The following BCL11A variants were observed in gnomAD, a reference collection of about 807,000 sequenced individuals.
BCL11A encodes the protein B cell CLL/lymphoma 11A.
Under a neutral mutation model 55.9 loss-of-function variants are expected in BCL11A, and 2 were observed. The ratio of observed to expected loss-of-function variants is 0.04; its 90% CI spans 0.01 to 0.11. The LOEUF (loss-of-function observed/expected upper bound fraction) is 0.11, where lower values mean the gene tolerates loss of function less well. BCL11A is among the 10% of genes least tolerant of loss of function. The pLI is 1.00. For synonymous variants in BCL11A, 465 were observed against 473.4 expected (o/e 0.98, Z 0.23); for missense variants, 817 against 1,137.1 (o/e 0.72, Z 4.05).
intron 3 of BCL11A, among the ~76,000 whole-genome samples, chr2:60,465,289 A>G (rs989952636): frequency 6.6e-6 from 1 of 152,232 alleles, no homozygotes; most frequent in African/African-American, 2.4e-5. Flanking sequence ...TGTGTGGCAA[A>G]ATTAGGGCTA....
intron 2 of BCL11A, among the ~76,000 whole-genome samples, chr2:60,510,451 T>C (rs1425258977): frequency 6.6e-6 from 1 of 152,210 alleles, no homozygotes; most frequent in Non-Finnish European, 1.5e-5. Context: ...TTGCTTCTCA[T>C]TGGGCCTTCC....
intron 2 of BCL11A, among the ~76,000 whole-genome samples, chr2:60,507,380 A>AG (rs143571653): frequency 2.0e-4 from 8 of 40,104 alleles, no homozygotes; most frequent in African/African-American, 1.4e-3. Flanking sequence ...AAGGGAAGGG[A>AG]GGGAGGGAAG....
intron 2 of BCL11A, among the ~76,000 whole-genome samples, chr2:60,471,044 C>A (rs1224684576): frequency 1.3e-5 from 2 of 152,204 alleles, no homozygotes; most frequent in Non-Finnish European, 2.9e-5. Context: ...CACTGCCCAA[C>A]AAGAAGGTCC....
rs748538213 is a variant in BCL11A, at chr2:60,553,286, GGGCGGC to G, written c.-22_-17del. 1.7e-4 allele frequency: 262 copies of G among 1,552,138 alleles called. 3 individuals are homozygous for G. The highest frequency in any genetic ancestry group is 9.9e-4 in the Middle Eastern group (5 of 5,050). Reference sequence around the variant, plus strand: ...GGCGAGACATGGTGGGCTGCGGGGCGGGCGGCGGCGGCGGCGGCGGCGGCGGCGGGC... The same window carrying G: ...GGCGAGACATGGTGGGCTGCGGGGCGGGCGGCGGCGGCGGCGGCGGCGGGC... On this transcript the variant is annotated 5_prime_UTR_variant, in exon 1 of 4. Transcript: ENST00000642384.
chr2:60,514,095 T>C (rs762285806), intron 2 of BCL11A, among the ~76,000 whole-genome samples: 1 of 152,208 alleles, frequency 6.6e-6, no homozygotes, highest in Non-Finnish European at 1.5e-5. Flanking sequence ...CATCTCCTTG[T>C]GGACTTTCCT....
chr2:60,467,120 G>GTGGTGGTGATGGTGGTGATGGTAC (rs1459862565), intron 3 of BCL11A, among the ~76,000 whole-genome samples: 1 of 134,276 alleles, frequency 7.4e-6, no homozygotes, highest in Non-Finnish European at 1.6e-5. Context: ...AGTGGTGGTG[G>GTGGTGGTGATGGTGGTGATGGTAC]TGGTGGTGAT....
At chr2:60,496,018 C>A (rs148893646) in intron 2 of BCL11A, among the ~76,000 whole-genome samples, 74 of 152,222 alleles carry the variant, frequency 4.9e-4, no homozygotes, top group African/African-American at 1.8e-3. Flanking sequence ...AACAAACAAA[C>A]CAAAGAGAAG....
rs1197635792 is a variant in BCL11A at position 60,546,727 on chromosome 2, C to A, written c.56-427G>T. ...AAGTGGATAGAAACCAAATTTGTTTCTTTTTTCCTATACACCAAGTTGTCC... is the reference window on the plus strand; with the variant it reads ...AAGTGGATAGAAACCAAATTTGTTTATTTTTTCCTATACACCAAGTTGTCC... On this transcript the variant is annotated intron_variant, in intron 1 of 3. Transcript: ENST00000642384. This position sits in a 1 kb window ranked among gnomAD's most constrained non-coding sequence, Gnocchi z 4.1. 6.6e-6 allele frequency among the ~76,000 whole-genome samples: 1 copy of A among 152,028 alleles called. No homozygotes were observed. The highest frequency in any genetic ancestry group is 2.4e-5 in the African/African-American group (1 of 41,384).
downstream of BCL11A, among the ~76,000 whole-genome samples, chr2:60,454,165 G>A (rs144613059): frequency 6.6e-6 from 1 of 152,222 alleles, no homozygotes; most frequent in African/African-American, 2.4e-5. Context: ...AAGCAGAAGT[G>A]CAGACCGGAC....
At chr2:60,469,252 C>A (rs2103991137) in intron 2 of BCL11A, among the ~76,000 whole-genome samples, 1 of 152,298 alleles carries the variant, frequency 6.6e-6, no homozygotes, top group African/African-American at 2.4e-5. Context: ...ACTTTATAGA[C>A]AAACCCAAGC....
intron 2 of BCL11A, among the ~76,000 whole-genome samples, chr2:60,486,185 G>C (rs1044038592): frequency 3.3e-5 from 5 of 152,172 alleles, no homozygotes; most frequent in African/African-American, 1.2e-4. Flanking sequence ...TAGGGAGACT[G>C]GTACTGGGGA....
At chr2:60,453,306 A>G (rs1417772421), downstream of BCL11A, among the ~76,000 whole-genome samples, 1 of 152,224 alleles carries the variant, frequency 6.6e-6, no homozygotes, top group Non-Finnish European at 1.5e-5. Context: ...GGTGAAGGGA[A>G]GAAGGGAGTG....
At chr2:60,509,949 C>A (rs1028180593) in intron 2 of BCL11A, among the ~76,000 whole-genome samples, 4 of 152,172 alleles carry the variant, frequency 2.6e-5, no homozygotes, top group African/African-American at 7.2e-5. Flanking sequence ...CCGAGCCACA[C>A]ATTTTGGGGT....
intron 2 of BCL11A, among the ~76,000 whole-genome samples, chr2:60,516,412 C>A (rs1668729160): frequency 6.6e-6 from 1 of 152,220 alleles, no homozygotes; most frequent in African/African-American, 2.4e-5. Context: ...CAGCTCTCCC[C>A]CTGAGCTAAC....
chr2:60,481,534 AAGG>A (rs1243437353), intron 2 of BCL11A, among the ~76,000 whole-genome samples: 1 of 152,112 alleles, frequency 6.6e-6, no homozygotes, highest in East Asian at 1.9e-4. Context: ...CTGGCAGGTG[AAGG>A]AGGACAGGGA....
chr2:60,500,069 T>G (rs995763578), intron 2 of BCL11A: 3 of 152,950 alleles, frequency 2.0e-5, no homozygotes, highest in Admixed American at 1.3e-4. Context: ...CCTCTCCTCC[T>G]TTCGGTCCTC....
At position 60,517,329 on chromosome 2, in the gene BCL11A, G is replaced by A. The variant is rs114821417; in HGVS notation, c.385+28642C>T. 3.2e-3 allele frequency among the ~76,000 whole-genome samples: 494 copies of A among 152,280 alleles called. 2 individuals carry two copies. The highest frequency in any genetic ancestry group is 4.8e-3 in the Non-Finnish European group (324 of 68,016). ...GGGCACACCATGTAAACCCCAGAAG[G>A]GCCACACTTTGGGAGCCCTAGCAGG... On this transcript the variant is annotated intron_variant, in intron 2 of 3. Transcript: ENST00000642384.
At chr2:60,539,304 A>G (rs1315005506) in intron 2 of BCL11A, among the ~76,000 whole-genome samples, 2 of 152,216 alleles carry the variant, frequency 1.3e-5, no homozygotes, top group South Asian at 4.1e-4. Flanking sequence ...CTGTGCGCCT[A>G]TTGTAAAGGC....
At chr2:60,513,839 T>A (rs1475647417) in intron 2 of BCL11A, among the ~76,000 whole-genome samples, 1 of 152,220 alleles carries the variant, frequency 6.6e-6, no homozygotes, top group East Asian at 1.9e-4. Flanking sequence ...GGGCAGACTC[T>A]CTCTTCTCAA....
Sources: gnomAD v4.1 joint callset for allele counts (sites outside exome capture counted in the v4.1 genomes callset) on GRCh38, gnomAD v4.1.1 for gene constraint, Gnocchi (gnomAD v3.1) non-coding constraint, MANE v1.5 for transcripts, NCBI Gene and HGNC (gene_info 2026-07-23, HGNC 2026-07-21) for gene names.